Variants in SH2D4A observed in about 807,000 individuals in gnomAD.
SH2D4A encodes SH2 domain containing 4A, also known as SH2 domain-containing protein 4A.
Under a neutral mutation model 64.7 loss-of-function variants are expected in SH2D4A, and 70 were observed. The ratio of observed to expected loss-of-function variants is 1.08; its 90% CI spans 0.89 to 1.32. SH2D4A has a LOEUF of 1.32. SH2D4A is among the 40% of genes most tolerant of loss of function. SH2D4A has a pLI of 0.00. For missense variants in SH2D4A, 706 were observed against 540.1 expected (o/e 1.31, Z -3.04); for synonymous variants, 268 against 200.7 (o/e 1.34, Z -2.83).
chr8:19,347,260 C>T (rs925613035), intron 4 of SH2D4A, among the ~76,000 whole-genome samples: 22 of 152,148 alleles, frequency 1.4e-4, no homozygotes, highest in African/African-American at 4.1e-4. Context: ...GAGACACGCA[C>T]GTTCAGAGCA....
At chr8:19,373,764 C>T (rs1389751894) in intron 8 of SH2D4A, 104 bp downstream of exon 8, 12 of 1,385,192 alleles carry the variant, frequency 8.7e-6, no homozygotes, top group Non-Finnish European at 1.2e-5. Context: ...TGGTGCTGCC[C>T]AAAAAGAGTC....
rs1380953739 is a variant in SH2D4A at position 19,395,176 on chromosome 8, G to T, written c.*534G>T. 1 of 152,216 alleles carries T rather than the reference G, an allele frequency of 6.6e-6. No individual in the cohort carries two copies. The highest frequency in any genetic ancestry group is 2.1e-4 in the South Asian group (1 of 4,828). The allele number at this position is 152,216 out of a possible 1,614,324, so 9.4% of individuals were successfully genotyped here. On this transcript the variant is annotated 3_prime_UTR_variant, in exon 10 of 10. Transcript: ENST00000265807. ...AGAGACATAGAAAAACAGAAGTCAT[G>T]AATGTAAATTGAATGAGAGGCTTAA... is the stretch of plus-strand genomic sequence containing the variant.
chr8:19,393,477 A>G lies in SH2D4A; in HGVS notation c.1208A>G (p.Tyr403Cys), dbSNP rs1372830389. ...HFLIDASADAYSFLGVDQLQH... is the reference protein window; with the variant it reads ...HFLIDASADACSFLGVDQLQH... ...CTCATCGATGCCTCTGCAGACGCCT[A>G]CAGCTTCCTGGGCGTGGACCAGCTA... Residue 403 changes from tyrosine (Y) to cysteine (C), a missense_variant, in exon 9 of 10, where the codon TAC becomes TGC. Physicochemically the swap from Tyr to Cys is radical, Grantham distance 194. Transcript: ENST00000265807. 1 of 1,614,242 alleles carries G rather than the reference A, an allele frequency of 6.2e-7. No homozygotes were observed.
At chr8:19,390,974 C>T (rs1450184735) in intron 8 of SH2D4A, among the ~76,000 whole-genome samples, 6 of 152,126 alleles carry the variant, frequency 3.9e-5, no homozygotes, top group Non-Finnish European at 5.9e-5. Flanking sequence ...AATTGTAACA[C>T]CTGCCCCATC....
At chr8:19,388,698 C>G (rs2053431295) in intron 8 of SH2D4A, among the ~76,000 whole-genome samples, 1 of 152,212 alleles carries the variant, frequency 6.6e-6, no homozygotes, top group South Asian at 2.1e-4. Context: ...TGAAATGCAT[C>G]TCTTGTCCCT....
intron 4 of SH2D4A, among the ~76,000 whole-genome samples, chr8:19,353,455 G>A (rs935758882): frequency 6.8e-6 from 1 of 147,900 alleles, no homozygotes; most frequent in African/African-American, 2.5e-5. Flanking sequence ...TGCATCCTCT[G>A]CCTCCTGGGT....
At chr8:19,391,563 A>C (rs2053493378) in intron 8 of SH2D4A, among the ~76,000 whole-genome samples, 1 of 151,924 alleles carries the variant, frequency 6.6e-6, no homozygotes, top group African/African-American at 2.4e-5. Flanking sequence ...TGGCCTTTTC[A>C]CCCACTCCCA....
chr8:19,394,524 C>T lies in SH2D4A; in HGVS notation c.1273-26C>T, dbSNP rs201058880. Reference sequence around the variant, plus strand: ...AGCATGTGGTCACTACTTACACTATCTGACCCCGTGCCTTCTGATTGACAG... The same window carrying T: ...AGCATGTGGTCACTACTTACACTATTTGACCCCGTGCCTTCTGATTGACAG... On this transcript the variant is annotated intron_variant, in intron 9 of 9. Coordinates refer to ENST00000265807, the MANE Select transcript of SH2D4A (RefSeq NM_022071.4). The T allele has an allele frequency of 1.2e-3, 1,854 of 1,543,344 alleles. 2 individuals are homozygous for T. Among genetic ancestry groups the T allele is most frequent in the Non-Finnish European group, 1.5e-3 (1,655 of 1,124,410 alleles).
intron 8 of SH2D4A, among the ~76,000 whole-genome samples, chr8:19,385,401 A>G (rs904972707): frequency 6.6e-6 from 1 of 152,014 alleles, no homozygotes; most frequent in East Asian, 1.9e-4. Flanking sequence ...AGTAGAGACC[A>G]TGTTGGCCAG....
Position 19,333,135 on chromosome 8 carries a change from C to T in SH2D4A, c.341+21C>T, listed in dbSNP as rs769676319. On this transcript the variant is annotated intron_variant, in intron 3 of 9. Coordinates refer to ENST00000265807, the MANE Select transcript of SH2D4A (RefSeq NM_022071.4). Reference sequence around the variant, plus strand: ...CCCAGGTATGAGATCTGCAAACCAACCAGAGACTTAAAGACTCTCCAGACT... The same window carrying T: ...CCCAGGTATGAGATCTGCAAACCAATCAGAGACTTAAAGACTCTCCAGACT... 5 of 1,598,286 alleles carry T rather than the reference C, an allele frequency of 3.1e-6. No individual in the cohort carries two copies. In the East Asian group the frequency reaches 6.7e-5, roughly 21 times the overall value.
chr8:19,378,203 A>T (rs190772571), intron 8 of SH2D4A, among the ~76,000 whole-genome samples: 1 of 152,148 alleles, frequency 6.6e-6, no homozygotes, highest in African/African-American at 2.4e-5. Context: ...TGGGTTACAT[A>T]TATATTCTCC....
At chr8:19,327,334 G>C (rs147273172) in intron 2 of SH2D4A, among the ~76,000 whole-genome samples, 7 of 152,310 alleles carry the variant, frequency 4.6e-5, no homozygotes, top group Non-Finnish European at 8.8e-5. Context: ...TAAAGAGTGC[G>C]TGTAATTTTA....
chr8:19,328,561 C>T (rs1486603830), intron 2 of SH2D4A, among the ~76,000 whole-genome samples: 1 of 152,130 alleles, frequency 6.6e-6, no homozygotes, highest in Non-Finnish European at 1.5e-5. Flanking sequence ...CTGCCTCACT[C>T]CTGGTCTTTT....
At chr8:19,355,946 A>G (rs1318759402) in intron 4 of SH2D4A, among the ~76,000 whole-genome samples, 1 of 152,058 alleles carries the variant, frequency 6.6e-6, no homozygotes, top group Non-Finnish European at 1.5e-5. Context: ...AATACAATAA[A>G]AGTTATTTAT....
At chr8:19,320,252 C>G (rs1029136827) in intron 2 of SH2D4A, among the ~76,000 whole-genome samples, 6 of 152,072 alleles carry the variant, frequency 3.9e-5, no homozygotes, top group African/African-American at 1.4e-4. Flanking sequence ...CAGATGTAAA[C>G]TTTTCCTCGT....
At chr8:19,376,673 C>T (rs1292714278) in intron 8 of SH2D4A, among the ~76,000 whole-genome samples, 1 of 151,958 alleles carries the variant, frequency 6.6e-6, no homozygotes, top group African/African-American at 2.4e-5. Flanking sequence ...AAATCCTTCC[C>T]AGAGACATCC....
intron 2 of SH2D4A, among the ~76,000 whole-genome samples, chr8:19,330,302 C>A (rs1169784611): frequency 3.3e-5 from 5 of 152,180 alleles, no homozygotes; most frequent in African/African-American, 9.7e-5. Context: ...CCTCCAGTAT[C>A]CCCACTCTCT....
chr8:19,390,723 C>G (rs2053478654), intron 8 of SH2D4A, among the ~76,000 whole-genome samples: 2 of 152,184 alleles, frequency 1.3e-5, no homozygotes, highest in African/African-American at 4.8e-5. Flanking sequence ...TACAAGGAGT[C>G]TCCACTATGA....
At chr8:19,380,619 T>C (rs2053277567) in intron 8 of SH2D4A, among the ~76,000 whole-genome samples, 2 of 152,202 alleles carry the variant, frequency 1.3e-5, no homozygotes, top group African/African-American at 2.4e-5. Context: ...GCACCATTTG[T>C]TGAAATGACT....
Sources: gnomAD v4.1 joint callset for allele counts (sites outside exome capture counted in the v4.1 genomes callset) on GRCh38, gnomAD v4.1.1 for gene constraint, MANE v1.5 for transcripts, NCBI Gene and HGNC (gene_info 2026-07-23, HGNC 2026-07-21) for gene names.